The following SDK1 variants were observed in gnomAD, a reference collection of about 807,000 sequenced individuals.
SDK1 encodes the protein sidekick cell adhesion molecule 1.
A neutral mutation model predicts 245.5 loss-of-function variants in SDK1; 157 were observed. The ratio of observed to expected loss-of-function variants is 0.64; its 90% CI spans 0.56 to 0.73. The LOEUF is 0.73. Ranked by LOEUF, SDK1 falls within the 30% of genes least tolerant of loss-of-function variation. The pLI, the probability that SDK1 is intolerant of heterozygous loss-of-function variation, is 0.00. For synonymous variants in SDK1, 1,647 were observed against 1,278.5 expected, an observed-to-expected ratio of 1.29 and a Z score of -6.15; for missense variants, 3,583 against 3,002.3, an observed-to-expected ratio of 1.19 and a Z score of -4.52.
chr7:3,577,564 G>A (rs1006928982), intron 1 of SDK1, among the ~76,000 whole-genome samples: 3 of 152,008 alleles, frequency 2.0e-5, no homozygotes, highest in Admixed American at 6.6e-5. Flanking sequence ...GTAGGTCCAT[G>A]ATGGAACCTC....
intron 22 of SDK1, among the ~76,000 whole-genome samples, chr7:4,085,633 C>A (rs566370753): frequency 6.6e-6 from 1 of 152,172 alleles, no homozygotes; most frequent in Non-Finnish European, 1.5e-5. Context: ...CAGATCACTG[C>A]AACCTCCACC....
chr7:3,630,731 A>T (rs1401234971), intron 2 of SDK1, among the ~76,000 whole-genome samples: 1 of 152,192 alleles, frequency 6.6e-6, no homozygotes, highest in Non-Finnish European at 1.5e-5. Flanking sequence ...ACTACAAAAC[A>T]ATGCTGAAAG....
At chr7:3,742,601 A>G (rs1194922570) in intron 4 of SDK1, among the ~76,000 whole-genome samples, 1 of 152,074 alleles carries the variant, frequency 6.6e-6, no homozygotes, top group African/African-American at 2.4e-5. Context: ...TCTCTTTAGC[A>G]TTTTTGTCTT....
chr7:3,680,517 G>A (rs916149833), intron 4 of SDK1, among the ~76,000 whole-genome samples: 1 of 152,190 alleles, frequency 6.6e-6, no homozygotes, highest in African/African-American at 2.4e-5. Context: ...TTGTTCCAAT[G>A]ACTATGCAGG....
intron 5 of SDK1, among the ~76,000 whole-genome samples, chr7:3,900,985 C>T (rs1292127449): frequency 6.6e-6 from 1 of 151,878 alleles, no homozygotes; most frequent in Non-Finnish European, 1.5e-5. Context: ...TTTTTCAATT[C>T]TAGCGTCCAA....
At chr7:3,312,367 G>A (rs933106378) in intron 1 of SDK1, among the ~76,000 whole-genome samples, 1 of 152,148 alleles carries the variant, frequency 6.6e-6, no homozygotes, top group Non-Finnish European at 1.5e-5. Context: ...ACAAGGAAAT[G>A]AATCACCGTG....
chr7:3,882,720 GA>G (rs909282697), intron 5 of SDK1, among the ~76,000 whole-genome samples: 1 of 151,990 alleles, frequency 6.6e-6, no homozygotes, highest in African/African-American at 2.4e-5. Context: ...ATTTACAAAT[GA>G]GCCTTCTTTT....
chr7:3,517,802 GTCA>G (rs1358614397), intron 1 of SDK1, among the ~76,000 whole-genome samples: 1 of 152,008 alleles, frequency 6.6e-6, no homozygotes, highest in Non-Finnish European at 1.5e-5. Flanking sequence ...CCTCTCCTAG[GTCA>G]TCATTACATA....
intron 1 of SDK1, among the ~76,000 whole-genome samples, chr7:3,486,173 A>G (rs1404109479): frequency 1.3e-5 from 2 of 151,976 alleles, no homozygotes; most frequent in African/African-American, 4.8e-5. Flanking sequence ...TGAAAATTTT[A>G]GAACATTCTT....
In SDK1 at chr7:4,049,383, G is replaced by A; in HGVS notation, c.2638G>A (p.Ala880Thr). 1 of 1,614,142 alleles carries A rather than the reference G, an allele frequency of 6.2e-7. No homozygotes were observed. The highest frequency in any genetic ancestry group is 8.5e-7 in the Non-Finnish European group (1 of 1,180,038). Residue 880 changes from alanine to threonine, a missense_variant, in exon 18 of 45, where the codon GCC becomes ACC. Ala to Thr is a moderately conservative substitution (Grantham distance 58, BLOSUM62 0). Transcript: ENST00000404826. ...TAPPQNVQTE[A>T]VNSTTIQFLW... is the part of the protein sequence containing the mutation. ...GCCCCCGCAGAACGTGCAGACGGAA[G>A]CCGTGAACTCCACCACCATTCAGTT... is the stretch of plus-strand genomic sequence containing the variant.
intron 2 of SDK1, among the ~76,000 whole-genome samples, chr7:3,637,109 G>GTA (rs1562620591): frequency 6.0e-5 from 9 of 151,080 alleles, no homozygotes; most frequent in African/African-American, 2.2e-4. Flanking sequence ...GTGTGTGTGT[G>GTA]TGTTTTGAGA....
intron 1 of SDK1, among the ~76,000 whole-genome samples, chr7:3,613,190 G>A (rs144735006): frequency 2.1e-3 from 327 of 152,226 alleles, no homozygotes; most frequent in African/African-American, 6.5e-3. Flanking sequence ...TCCATCGCAA[G>A]ACCCCCTTTC....
intron 5 of SDK1, among the ~76,000 whole-genome samples, chr7:3,937,244 A>G (rs1009198844): frequency 5.9e-5 from 9 of 152,214 alleles, no homozygotes; most frequent in East Asian, 1.9e-4. Flanking sequence ...TGAGGCCCCT[A>G]TGACATGTCA....
chr7:3,677,476 C>A (rs1411792808), intron 4 of SDK1, among the ~76,000 whole-genome samples: 1 of 152,118 alleles, frequency 6.6e-6, no homozygotes, highest in African/African-American at 2.4e-5. Context: ...GACAAGAGAG[C>A]TTGTGCAAGG....
intron 4 of SDK1, among the ~76,000 whole-genome samples, chr7:3,759,612 A>T (rs1780035529): frequency 6.9e-6 from 1 of 145,910 alleles, no homozygotes; most frequent in Admixed American, 6.7e-5. Context: ...TATTATTATT[A>T]TTTGGAGGCG....
chr7:3,573,602 C>T (rs1463677035), intron 1 of SDK1, among the ~76,000 whole-genome samples: 2 of 152,036 alleles, frequency 1.3e-5, no homozygotes, highest in African/African-American at 2.4e-5. Context: ...ATGGCCACTT[C>T]TTCCAGAGCC....
intron 28 of SDK1, among the ~76,000 whole-genome samples, chr7:4,140,417 C>T (rs1017286648): frequency 4.1e-4 from 63 of 152,328 alleles, no homozygotes; most frequent in Non-Finnish European, 5.7e-4. Flanking sequence ...GTGGGACCCC[C>T]GGCCCCACGA....
chr7:4,262,881 C>T (rs1352288742), intron 44 of SDK1, among the ~76,000 whole-genome samples: 10 of 7,198 alleles, frequency 1.4e-3, no homozygotes, highest in Non-Finnish European at 2.9e-3. Flanking sequence ...CCTCATCACC[C>T]CCACCCCCTC....
intron 1 of SDK1, among the ~76,000 whole-genome samples, chr7:3,421,942 G>A (rs1436761443): frequency 6.6e-6 from 1 of 152,116 alleles, no homozygotes; most frequent in African/African-American, 2.4e-5. Flanking sequence ...GGCTTAGGCG[G>A]GCATATAGCT....
Sources: gnomAD v4.1 joint callset for allele counts (sites outside exome capture counted in the v4.1 genomes callset) on GRCh38, gnomAD v4.1.1 for gene constraint, MANE v1.5 for transcripts, NCBI Gene and HGNC (gene_info 2026-07-23, HGNC 2026-07-21) for gene names.